WNT10A: variants seen among roughly 807,000 people sequenced by gnomAD.
WNT10A encodes the protein protein Wnt-10a.
WNT10A carries 37 observed loss-of-function variants against 36.1 expected under a neutral mutation model. That is an observed-to-expected ratio of 1.02 (90% CI 0.79 to 1.35). The LOEUF (loss-of-function observed/expected upper bound fraction) is 1.35. WNT10A is among the 40% of genes most tolerant of loss of function. The pLI is 0.00. For synonymous variants in WNT10A, 255 were observed against 254.1 expected (o/e 1.00, Z -0.03); for missense variants, 613 against 601.4 (o/e 1.02, Z -0.20).
chr2:218,882,546 G>T, intron 2 of WNT10A, 123 bp downstream of exon 2: 5 of 1,293,630 alleles, frequency 3.9e-6, no homozygotes, highest in Non-Finnish European at 5.4e-6. Flanking sequence ...ACACCCATCT[G>T]TTGGCCCTGC....
At chr2:218,891,834 C>T (rs1379159742) in intron 3 of WNT10A, among the ~76,000 whole-genome samples, 1 of 152,180 alleles carries the variant, frequency 6.6e-6, no homozygotes, top group Non-Finnish European at 1.5e-5. Context: ...GGATCATTGC[C>T]GTCCCTGTCT....
At chr2:218,887,046 C>T (rs1944587375) in intron 2 of WNT10A, among the ~76,000 whole-genome samples, 1 of 152,180 alleles carries the variant, frequency 6.6e-6, no homozygotes, top group Non-Finnish European at 1.5e-5. Flanking sequence ...CCTGGACCAG[C>T]CTCATCCTCT....
At chr2:218,876,722 G>A (rs1944456227), upstream of WNT10A, among the ~76,000 whole-genome samples, 2 of 152,188 alleles carry the variant, frequency 1.3e-5, no homozygotes, top group Admixed American at 1.3e-4. Context: ...CCAAAGCTCT[G>A]CTCTTATCTT....
chr2:218,892,303 C>CCACACACACACACACACA (rs60385784), intron 3 of WNT10A, among the ~76,000 whole-genome samples: 1 of 100,900 alleles, frequency 9.9e-6, no homozygotes, highest in Non-Finnish European at 2.1e-5. Context: ...ACCCACCCCA[C>CCACACACACACACACACA]CACACACACA....
chr2:218,890,086 A>G lies in WNT10A; in HGVS notation c.479A>G (p.Asp160Gly), dbSNP rs80153590. ...ALGKLKACGCDASRRGDEEAF... is the reference protein window; with the variant it reads ...ALGKLKACGCGASRRGDEEAF... ...GGCAAACTGAAGGCCTGTGGCTGTGATGCGTCCCGGCGAGGGGACGAGGAG... is the reference window on the plus strand; with the variant it reads ...GGCAAACTGAAGGCCTGTGGCTGTGGTGCGTCCCGGCGAGGGGACGAGGAG... The change falls in exon 3 of 4, where the codon GAT (aspartate) becomes GGT (glycine). Residue 160 changes from aspartate (D) to glycine (G), a missense_variant. Transcript: ENST00000258411. 1.2e-6 allele frequency: 2 copies of G among 1,614,006 alleles called. No individual in the cohort carries two copies. The highest frequency in any genetic ancestry group is 2.2e-5 in the East Asian group (1 of 44,896).
At position 218,893,264 on chromosome 2, in the gene WNT10A, G is replaced by C; in HGVS notation, c.1247G>C (p.Cys416Ser). ...CGCATCACCGAGTGGGTCAGCGTCT[G>C]CAAGTGAGCGGCCCGGGGTCCCCTG... Reference protein sequence around the residue: ...ECRITEWVSVCK With the variant: ...ECRITEWVSVSK Residue 416 changes from cysteine (C) to serine (S), a missense_variant, in exon 4 of 4, where the codon TGC (cysteine) becomes TCC (serine). By Grantham distance (112) the Cys-to-Ser change is moderately radical. Coordinates refer to ENST00000258411, the MANE Select transcript of WNT10A (RefSeq NM_025216.3). This position sits in a 1 kb window ranked among gnomAD's most constrained non-coding sequence, Gnocchi z 6.3. 6.4e-7 allele frequency: 1 copy of C among 1,550,580 alleles called. No individual in the cohort carries two copies. The highest frequency in any genetic ancestry group is 8.7e-7 in the Non-Finnish European group (1 of 1,154,392).
chr2:218,889,488 A>G (rs563124136), intron 2 of WNT10A, among the ~76,000 whole-genome samples: 1 of 152,326 alleles, frequency 6.6e-6, no homozygotes, highest in African/African-American at 2.4e-5. Flanking sequence ...TAGTTCTTTG[A>G]GGAATCTCCA....
At chr2:218,877,736 G>C (rs1168406188), upstream of WNT10A, among the ~76,000 whole-genome samples, 1 of 152,202 alleles carries the variant, frequency 6.6e-6, no homozygotes, top group Non-Finnish European at 1.5e-5. This position sits in a 1 kb window ranked among gnomAD's most constrained non-coding sequence, Gnocchi z 4.1. Context: ...CCCTTTCAAT[G>C]ACCAAACACA....
rs1451725884 is a variant in WNT10A, at chr2:218,890,203, C to T, written c.596C>T (p.Pro199Leu). ...GGGGTCCCGGAACACCCAGCCCTGC[C>T]CACAGCCAGCCCAGGCCTGCAGGAC... The part of the protein sequence containing the change: ...SHGVPEHPAL[P>L]TASPGLQDSW... Residue 199 changes from proline (P) to leucine (L), a missense_variant, in exon 3 of 4, where the codon CCC becomes CTC. Coordinates refer to ENST00000258411, the MANE Select transcript of WNT10A (RefSeq NM_025216.3). 6.2e-7 allele frequency: 1 copy of T among 1,614,054 alleles called. No homozygotes were observed. The highest frequency in any genetic ancestry group is 1.1e-5 in the South Asian group (1 of 91,084).
chr2:218,876,297 G>A (rs891949952), upstream of WNT10A, among the ~76,000 whole-genome samples: 10 of 152,142 alleles, frequency 6.6e-5, no homozygotes, highest in African/African-American at 2.4e-4. Flanking sequence ...AGGGGGGTGG[G>A]GCAGGCACAG....
At chr2:218,882,089 AGT>A in intron 1 of WNT10A, 70 bp from the exon 2 acceptor site, 2 of 1,562,330 alleles carry the variant, frequency 1.3e-6, no homozygotes, top group East Asian at 4.5e-5. Flanking sequence ...GTTGGGACAG[AGT>A]GTGTGTTGTT....
At chr2:218,879,138 C>T (rs1001265422), upstream of WNT10A, among the ~76,000 whole-genome samples, 2 of 148,446 alleles carry the variant, frequency 1.3e-5, no homozygotes, top group Admixed American at 6.7e-5. Flanking sequence ...CGGTGGCTGC[C>T]GGCAGAGATG....
intron 2 of WNT10A, among the ~76,000 whole-genome samples, chr2:218,886,803 T>G (rs1166475432): frequency 6.6e-6 from 1 of 152,182 alleles, no homozygotes; most frequent in Non-Finnish European, 1.5e-5. Flanking sequence ...TGGGCTGGGC[T>G]TCTATGAGGC....
At chr2:218,879,699 A>G (rs1338963556), upstream of WNT10A, among the ~76,000 whole-genome samples, 2 of 152,196 alleles carry the variant, frequency 1.3e-5, no homozygotes, top group Non-Finnish European at 2.9e-5. Flanking sequence ...CAGGCAGGCA[A>G]CACTCAGTGT....
chr2:218,882,484 T>G, intron 2 of WNT10A, 61 bp downstream of exon 2: 2 of 1,600,046 alleles, frequency 1.2e-6, no homozygotes, highest in Non-Finnish European at 1.7e-6. Flanking sequence ...TCAGAATCTA[T>G]TCCCAGCCAT....
upstream of WNT10A, among the ~76,000 whole-genome samples, chr2:218,880,006 A>G (rs1944491074): frequency 6.6e-6 from 1 of 152,150 alleles, no homozygotes; most frequent in Non-Finnish European, 1.5e-5. This position sits in a 1 kb window ranked among gnomAD's most constrained non-coding sequence, Gnocchi z 7.7. Context: ...AAAGGGGCAG[A>G]GGAGGTCTCC....
At chr2:218,879,197 C>T (rs533064115), upstream of WNT10A, among the ~76,000 whole-genome samples, 8 of 152,100 alleles carry the variant, frequency 5.3e-5, no homozygotes, top group East Asian at 9.7e-4. Context: ...TTGCTCAGGC[C>T]GCCCCCACCA....
intron 1 of WNT10A, among the ~76,000 whole-genome samples, chr2:218,881,359 TG>T (rs1261125603): frequency 6.6e-6 from 1 of 150,586 alleles, no homozygotes; most frequent in South Asian, 2.1e-4. Context: ...GAGGTGTGTG[TG>T]GGGGGGGAGC....
intron 2 of WNT10A, among the ~76,000 whole-genome samples, 183 bp downstream of exon 2, chr2:218,882,606 G>A (rs112993503): frequency 6.6e-5 from 10 of 152,300 alleles, no homozygotes; most frequent in African/African-American, 2.2e-4. Flanking sequence ...GAGAAATTGG[G>A]CAAATGTGTC....
Sources: gnomAD v4.1 joint callset for allele counts (sites outside exome capture counted in the v4.1 genomes callset) on GRCh38, gnomAD v4.1.1 for gene constraint, Gnocchi (gnomAD v3.1) non-coding constraint, MANE v1.5 for transcripts, NCBI Gene and HGNC (gene_info 2026-07-23, HGNC 2026-07-21) for gene names.